ERBB4: variants seen among roughly 807,000 people sequenced by gnomAD.
ERBB4 encodes receptor tyrosine-protein kinase erbB-4.
A neutral mutation model predicts 158.0 loss-of-function variants in ERBB4; 42 were observed. That is an observed-to-expected ratio of 0.27 (90% CI 0.21 to 0.34). ERBB4 has a LOEUF of 0.34. Ranked by LOEUF, ERBB4 falls within the 10% of genes least tolerant of loss-of-function variation. ERBB4 has a pLI of 1.00. For missense variants in ERBB4, 1,333 were observed against 1,624.1 expected (o/e 0.82, Z 3.08); for synonymous variants, 583 against 558.7 (o/e 1.04, Z -0.61).
At chr2:212,413,134 A>ATTTTTTTTTTT (rs370397826) in intron 1 of ERBB4, among the ~76,000 whole-genome samples, 246 of 101,216 alleles carry the variant, frequency 2.4e-3, no homozygotes, top group African/African-American at 3.6e-3. Context: ...TGCGTGGCTA[A>ATTTTTTTTTTT]TTTTTTTTTT....
At chr2:211,853,565 G>T (rs1311670112) in intron 3 of ERBB4, among the ~76,000 whole-genome samples, 1 of 151,964 alleles carries the variant, frequency 6.6e-6, no homozygotes. Flanking sequence ...CTTTCAAAAA[G>T]AACTACACAC....
At chr2:211,419,769 G>A (rs748862638) in intron 25 of ERBB4, among the ~76,000 whole-genome samples, 5 of 151,938 alleles carry the variant, frequency 3.3e-5, no homozygotes. Flanking sequence ...GAATGTATGA[G>A]GAATGAATTT....
At chr2:212,124,986 A>G in intron 1 of ERBB4, 83 bp from the exon 2 acceptor site, 2 of 1,490,264 alleles carry the variant, frequency 1.3e-6, no homozygotes, top group Middle Eastern at 1.7e-4. Context: ...AAAACTCTCT[A>G]TTCCACAAGC....
intron 3 of ERBB4, among the ~76,000 whole-genome samples, chr2:211,887,206 C>T (rs560618934): frequency 1.1e-4 from 17 of 150,872 alleles, no homozygotes; most frequent in Non-Finnish European, 2.2e-4. Flanking sequence ...TAATATGAAA[C>T]ATCCTGAATT....
At chr2:211,501,084 T>C (rs557280526) in intron 20 of ERBB4, among the ~76,000 whole-genome samples, 1 of 149,274 alleles carries the variant, frequency 6.7e-6, no homozygotes, top group South Asian at 2.1e-4. Flanking sequence ...AGGCTGACTA[T>C]AAAAATAAAT....
intron 3 of ERBB4, among the ~76,000 whole-genome samples, chr2:211,868,382 T>C (rs921010628): frequency 1.3e-5 from 2 of 152,244 alleles, no homozygotes; most frequent in African/African-American, 4.8e-5. Context: ...ATCATTCTTG[T>C]TCCCATAAGT....
At chr2:211,912,162 T>A (rs1274375392) in intron 3 of ERBB4, among the ~76,000 whole-genome samples, 1 of 152,290 alleles carries the variant, frequency 6.6e-6, no homozygotes, top group Admixed American at 6.5e-5. Flanking sequence ...ATCTACATTT[T>A]ACACAAGATA....
At chr2:211,823,453 A>T (rs113166885) in intron 3 of ERBB4, among the ~76,000 whole-genome samples, 2,879 of 151,924 alleles carry the variant, frequency 0.019, 97 homozygotes, top group African/African-American at 0.066. Context: ...TATTCATTTT[A>T]TATGTATCTT....
intron 1 of ERBB4, among the ~76,000 whole-genome samples, chr2:212,367,369 A>G (rs1347352595): frequency 6.6e-6 from 1 of 152,086 alleles, no homozygotes; most frequent in East Asian, 1.9e-4. Flanking sequence ...TGGCGCTGGG[A>G]TAATTGGCTA....
At chr2:211,561,765 T>C in intron 20 of ERBB4, 138 bp downstream of exon 20, 8 of 768,024 alleles carry the variant, frequency 1.0e-5, no homozygotes, top group South Asian at 8.7e-5. Context: ...TACCTCTCTG[T>C]TATGTATCTT....
intron 19 of ERBB4, among the ~76,000 whole-genome samples, chr2:211,579,974 A>C (rs1398598796): frequency 6.6e-6 from 1 of 152,176 alleles, no homozygotes; most frequent in Non-Finnish European, 1.5e-5. Flanking sequence ...TAAAATACTA[A>C]AGTTGTCAAC....
chr2:211,989,814 A>C (rs577222053), intron 2 of ERBB4, among the ~76,000 whole-genome samples: 1 of 152,000 alleles, frequency 6.6e-6, no homozygotes, highest in African/African-American at 2.4e-5. Context: ...AGAACACAGC[A>C]TTCACTTTCC....
At chr2:212,422,697 T>C (rs569974590) in intron 1 of ERBB4, among the ~76,000 whole-genome samples, 1 of 152,364 alleles carries the variant, frequency 6.6e-6, no homozygotes, top group South Asian at 2.1e-4. Context: ...ACCTCATCAG[T>C]GATCTACCAT....
In ERBB4 at chr2:212,106,739, C is replaced by A. The variant is rs372488137; in HGVS notation, c.234+18013G>T. ...GGAAAAATGGTTTTATGGGCCTGGCCCAGGGTCCCTCTGCTGTGTGCAGTC... is the reference window on the plus strand; with the variant it reads ...GGAAAAATGGTTTTATGGGCCTGGCACAGGGTCCCTCTGCTGTGTGCAGTC... On this transcript the variant is annotated intron_variant, in intron 2 of 27. Transcript: ENST00000342788. 9.2e-5 allele frequency among the ~76,000 whole-genome samples: 14 copies of A among 152,188 alleles called. No individual in the cohort carries two copies. The South Asian group carries it at 2.7e-3, about 29-fold the overall frequency.
At chr2:211,797,009 C>T (rs2076396697) in intron 3 of ERBB4, among the ~76,000 whole-genome samples, 1 of 151,770 alleles carries the variant, frequency 6.6e-6, no homozygotes, top group South Asian at 2.1e-4. Context: ...TGGGAAAATT[C>T]ACAGTAGGTG....
At chr2:212,141,280 C>T (rs961209317) in intron 1 of ERBB4, among the ~76,000 whole-genome samples, 1 of 151,904 alleles carries the variant, frequency 6.6e-6, no homozygotes, top group African/African-American at 2.4e-5. Context: ...GTATTTACAA[C>T]ACATAAAAAG....
chr2:212,209,229 C>T (rs1280498751), intron 1 of ERBB4, among the ~76,000 whole-genome samples: 2 of 152,150 alleles, frequency 1.3e-5, no homozygotes, highest in African/African-American at 2.4e-5. Flanking sequence ...GAAACATTCT[C>T]CTTACTTAAT....
intron 13 of ERBB4, among the ~76,000 whole-genome samples, chr2:211,673,917 A>G: frequency 6.6e-6 from 1 of 152,172 alleles, no homozygotes; most frequent in Admixed American, 6.5e-5. Context: ...GGTATACAAT[A>G]AAAGACACAG....
rs1220209294 is a variant in ERBB4, at chr2:212,124,918, A to C, written c.83-15T>G. The C allele has an allele frequency of 3.7e-6, 6 of 1,614,068 alleles. No homozygotes were observed. In the South Asian group the frequency reaches 6.6e-5, roughly 18 times the overall value. Reference sequence around the variant, plus strand: ...TCCTGCACACACTGCAAAGACAAGAAGATACACGTGAAATTACATAACCTT... The same window carrying C: ...TCCTGCACACACTGCAAAGACAAGACGATACACGTGAAATTACATAACCTT... On this transcript the variant is annotated splice_polypyrimidine_tract_variant and intron_variant, in intron 1 of 27. Coordinates refer to ENST00000342788, the MANE Select transcript of ERBB4 (RefSeq NM_005235.3).
Sources: allele counts gnomAD v4.1 joint callset (sites outside exome capture counted in the v4.1 genomes callset), GRCh38; gene constraint gnomAD v4.1.1; transcripts MANE v1.5; gene names NCBI Gene and HGNC (gene_info 2026-07-23, HGNC 2026-07-21).